HCN1: variants seen among roughly 807,000 people sequenced by gnomAD.
The protein encoded by HCN1 is potassium/sodium hyperpolarization-activated cyclic nucleotide-gated channel 1.
A neutral mutation model predicts 78.9 loss-of-function variants in HCN1; 13 were observed. The ratio of observed to expected loss-of-function variants is 0.16; its 90% CI spans 0.11 to 0.26. The LOEUF is 0.26. Among genes scored for constraint, HCN1 ranks in the 10% least tolerant of loss-of-function variants. The pLI is 1.00. For missense variants in HCN1, 810 were observed against 1,154.3 expected, an observed-to-expected ratio of 0.70 and a Z score of 4.32; for synonymous variants, 552 against 455.5, an observed-to-expected ratio of 1.21 and a Z score of -2.70.
intron 2 of HCN1, among the ~76,000 whole-genome samples, chr5:45,544,275 C>A (rs1201366007): frequency 6.6e-6 from 1 of 151,914 alleles, no homozygotes; most frequent in African/African-American, 2.4e-5. Flanking sequence ...TTTTCATTAT[C>A]CTTAAGAAAT....
chr5:45,595,120 T>C (rs1744460293), intron 2 of HCN1, among the ~76,000 whole-genome samples: 2 of 152,058 alleles, frequency 1.3e-5, no homozygotes, highest in South Asian at 2.1e-4. Flanking sequence ...TAGAGAACAA[T>C]AGAAATTGAA....
intron 1 of HCN1, among the ~76,000 whole-genome samples, chr5:45,673,624 A>G (rs187705985): frequency 6.6e-6 from 1 of 151,710 alleles, no homozygotes; most frequent in East Asian, 1.9e-4. Flanking sequence ...ATCCCTACTC[A>G]TTAGTGGCTT....
intron 5 of HCN1, among the ~76,000 whole-genome samples, chr5:45,322,498 A>G (rs1473427261): frequency 6.6e-6 from 1 of 151,758 alleles, no homozygotes; most frequent in Non-Finnish European, 1.5e-5. Flanking sequence ...CAGATTCTTG[A>G]TTTTTCTCAT....
chr5:45,349,375 T>C (rs1359693440), intron 5 of HCN1, among the ~76,000 whole-genome samples: 4 of 152,114 alleles, frequency 2.6e-5, no homozygotes, highest in South Asian at 2.1e-4. Context: ...TTCAAAGTAG[T>C]GTGTAGAGGG....
Position 45,550,013 on chromosome 5 carries a change from T to G in HCN1, c.850-88006A>C, listed in dbSNP as rs951088262. On this transcript the variant is annotated intron_variant, in intron 2 of 7. Transcript: ENST00000303230. ...TCAGGAAACAACAGGTGCTGGAGAG[T>G]ATGTGGAGAAATAGGAACACTTTTA... 1.2e-3 allele frequency among the ~76,000 whole-genome samples: 185 copies of G among 151,132 alleles called. 1 individual carries two copies. Among genetic ancestry groups the G allele is most frequent in the East Asian group, 3.5e-3 (18 of 5,096 alleles).
chr5:45,549,199 A>C (rs1743302058), intron 2 of HCN1, among the ~76,000 whole-genome samples: 1 of 152,190 alleles, frequency 6.6e-6, no homozygotes, highest in African/African-American at 2.4e-5. Flanking sequence ...GTCAATCCTA[A>C]GCCAAAAGAA....
intron 3 of HCN1, 25 bp downstream of exon 3, chr5:45,461,821 G>C: frequency 6.2e-7 from 1 of 1,600,806 alleles, no homozygotes; most frequent in Non-Finnish European, 8.6e-7. Flanking sequence ...AAAAGTCAGA[G>C]TGTAAAATAA....
intron 3 of HCN1, among the ~76,000 whole-genome samples, chr5:45,409,978 A>C (rs1739994636): frequency 6.6e-6 from 1 of 151,876 alleles, no homozygotes; most frequent in African/African-American, 2.4e-5. Context: ...CTAAGAATTA[A>C]AAAACAAAAC....
chr5:45,313,022 T>G (rs1216279826), intron 5 of HCN1, among the ~76,000 whole-genome samples: 1 of 152,116 alleles, frequency 6.6e-6, no homozygotes, highest in Non-Finnish European at 1.5e-5. Context: ...ACAGTAGTGG[T>G]TCTCCCAGCA....
chr5:45,572,275 A>G (rs997813150), intron 2 of HCN1, among the ~76,000 whole-genome samples: 1 of 152,228 alleles, frequency 6.6e-6, no homozygotes, highest in African/African-American at 2.4e-5. Flanking sequence ...CTAATAAAGT[A>G]AATTACAGAA....
At chr5:45,429,700 C>A (rs1740424510) in intron 3 of HCN1, among the ~76,000 whole-genome samples, 1 of 152,080 alleles carries the variant, frequency 6.6e-6, no homozygotes, top group Admixed American at 6.6e-5. Context: ...AGTGTCTGGG[C>A]AAAGAGCTTA....
At chr5:45,687,244 T>C (rs1257602012) in intron 1 of HCN1, among the ~76,000 whole-genome samples, 1 of 152,192 alleles carries the variant, frequency 6.6e-6, no homozygotes, top group East Asian at 1.9e-4. Flanking sequence ...GACAGTCTTT[T>C]TCTTTCATGA....
chr5:45,511,400 T>C (rs1264123137), intron 2 of HCN1, among the ~76,000 whole-genome samples: 1 of 151,992 alleles, frequency 6.6e-6, no homozygotes, highest in African/African-American at 2.4e-5. Flanking sequence ...AGATACAATA[T>C]GGTAAGTGGA....
At chr5:45,506,432 G>A (rs959669008) in intron 2 of HCN1, among the ~76,000 whole-genome samples, 2 of 152,036 alleles carry the variant, frequency 1.3e-5, no homozygotes, top group Non-Finnish European at 2.9e-5. Flanking sequence ...AAAGTGTAAT[G>A]TTACCTCATC....
At chr5:45,479,176 G>A (rs957338956) in intron 2 of HCN1, among the ~76,000 whole-genome samples, 3 of 151,818 alleles carry the variant, frequency 2.0e-5, no homozygotes, top group African/African-American at 7.3e-5. Context: ...CTCGTGAAGA[G>A]TCTGGCAGTG....
chr5:45,313,527 G>A (rs1258112785), intron 5 of HCN1, among the ~76,000 whole-genome samples: 1 of 152,180 alleles, frequency 6.6e-6, no homozygotes, highest in Non-Finnish European at 1.5e-5. Flanking sequence ...GAATGACTTC[G>A]ATGAGTTGAG....
chr5:45,432,317 T>C (rs528578521), intron 3 of HCN1, among the ~76,000 whole-genome samples: 2 of 152,288 alleles, frequency 1.3e-5, no homozygotes, highest in Admixed American at 6.5e-5. Flanking sequence ...GTTTATCAGA[T>C]CAAGGAGCTT....
intron 5 of HCN1, among the ~76,000 whole-genome samples, chr5:45,328,091 C>T (rs187725348): frequency 3.0e-4 from 45 of 151,616 alleles, no homozygotes; most frequent in African/African-American, 1.0e-3. Context: ...GGGAGTATGT[C>T]GATGCCTGAA....
chr5:45,391,818 G>T (rs754170278), intron 4 of HCN1, among the ~76,000 whole-genome samples: 1 of 152,062 alleles, frequency 6.6e-6, no homozygotes, highest in African/African-American at 2.4e-5. Flanking sequence ...ATAAGAAAAT[G>T]GTCCTTATAC....
Sources: allele counts gnomAD v4.1 joint callset (sites outside exome capture counted in the v4.1 genomes callset), GRCh38; gene constraint gnomAD v4.1.1; transcripts MANE v1.5; gene names NCBI Gene and HGNC (gene_info 2026-07-23, HGNC 2026-07-21).